Variants in MSI2 observed in about 807,000 individuals in gnomAD.
The protein encoded by MSI2 is RNA-binding protein Musashi homolog 2.
Under a neutral mutation model 45.6 loss-of-function variants are expected in MSI2, and 17 were observed. That is an observed-to-expected ratio of 0.37 (90% CI 0.26 to 0.56). The LOEUF is 0.56. Among genes scored for constraint, MSI2 ranks in the 20% least tolerant of loss-of-function variants. MSI2 has a pLI of 0.77. For synonymous variants in MSI2, 156 were observed against 158.2 expected (o/e 0.99, Z 0.11); for missense variants, 293 against 444.2 (o/e 0.66, Z 3.06).
chr17:57,640,396 T>G (rs1910159485), intron 10 of MSI2, among the ~76,000 whole-genome samples: 1 of 152,238 alleles, frequency 6.6e-6, no homozygotes, highest in Non-Finnish European at 1.5e-5. Flanking sequence ...AAATGCCATG[T>G]AAATTAATAG....
chr17:57,586,446 C>A (rs1462900227), intron 7 of MSI2, among the ~76,000 whole-genome samples: 1 of 151,884 alleles, frequency 6.6e-6, no homozygotes, highest in African/African-American at 2.4e-5. Context: ...TTATAAAATG[C>A]AGCTCTGTAA....
At chr17:57,514,661 T>G (rs112127775) in intron 6 of MSI2, among the ~76,000 whole-genome samples, 9,476 of 144,732 alleles carry the variant, frequency 0.065, 370 homozygotes, top group Non-Finnish European at 0.092. Context: ...TTTTTTTTTT[T>G]TTTTTTTTTT....
chr17:57,303,896 G>A (rs2143556250), intron 5 of MSI2, among the ~76,000 whole-genome samples: 1 of 152,340 alleles, frequency 6.6e-6, no homozygotes, highest in African/African-American at 2.4e-5. Flanking sequence ...TCTTCCTGGG[G>A]TCTTTCAGGA....
At chr17:57,421,237 C>G (rs936011875) in intron 6 of MSI2, among the ~76,000 whole-genome samples, 1 of 152,142 alleles carries the variant, frequency 6.6e-6, no homozygotes, top group Non-Finnish European at 1.5e-5. Flanking sequence ...TTAATGTCCA[C>G]GCTTAATGGC....
At position 57,484,403 on chromosome 17, in the gene MSI2, CA is replaced by C. The variant is rs1383841754; in HGVS notation, c.406-45270del. On this transcript the variant is annotated intron_variant, in intron 6 of 13. Transcript: ENST00000284073. ...CACCTGGAATGTTCTGTAGATTCCT[CA>C]AATATTTCTTCCCCCTCGGAACTCA... Among the ~76,000 whole-genome samples, 9 of 152,320 alleles carry C rather than the reference CA, an allele frequency of 5.9e-5. No individual in the cohort carries two copies. In the East Asian group the frequency reaches 1.4e-3, roughly 23 times the overall value.
intron 7 of MSI2, among the ~76,000 whole-genome samples, chr17:57,577,765 T>G (rs186709884): frequency 4.5e-4 from 69 of 152,322 alleles, no homozygotes; most frequent in Middle Eastern, 3.4e-3. Flanking sequence ...CAGCAATTAC[T>G]TGGAGTAAGA....
chr17:57,634,539 T>C (rs1428508733), intron 10 of MSI2, among the ~76,000 whole-genome samples: 2 of 151,886 alleles, frequency 1.3e-5, no homozygotes, highest in Non-Finnish European at 2.9e-5. Context: ...CAGAGTGCCC[T>C]CTAGAGAAGG....
intron 5 of MSI2, chr17:57,294,535 A>G (rs960970521): frequency 5.0e-4 from 76 of 152,262 alleles, no homozygotes; most frequent in African/African-American, 1.8e-3. Flanking sequence ...AAGCTGGGGA[A>G]GGTGAAGAAG....
intron 6 of MSI2, among the ~76,000 whole-genome samples, chr17:57,414,365 G>GAAGGAGTTTCA (rs1312028519): frequency 2.0e-5 from 3 of 151,872 alleles, no homozygotes; most frequent in African/African-American, 7.3e-5. Flanking sequence ...AGTCATTGGA[G>GAAGGAGTTTCA]AAGGAGTTTC....
At chr17:57,301,110 T>C (rs1406536217) in intron 5 of MSI2, among the ~76,000 whole-genome samples, 1 of 152,178 alleles carries the variant, frequency 6.6e-6, no homozygotes, top group Non-Finnish European at 1.5e-5. Flanking sequence ...CCCAGAAGCC[T>C]TATCAGTGTT....
chr17:57,306,726 T>C (rs940214362), intron 5 of MSI2, among the ~76,000 whole-genome samples: 11 of 152,234 alleles, frequency 7.2e-5, no homozygotes, highest in Non-Finnish European at 4.4e-5. Context: ...TATTTATCTA[T>C]CTATTTGTTT....
chr17:57,302,841 G>A lies in MSI2; in HGVS notation c.312+40649G>A, dbSNP rs1002334739. 3.3e-5 allele frequency among the ~76,000 whole-genome samples: 5 copies of A among 152,198 alleles called. No individual in the cohort carries two copies. The East Asian group carries it at 9.6e-4, about 29-fold the overall frequency. ...AATGGGACTTCAGGCAGAGTCCCTG[G>A]GTGTTTGGTGGCAGCAGATCGTGGG... On this transcript the variant is annotated intron_variant, in intron 5 of 13. Coordinates refer to ENST00000284073, the MANE Select transcript of MSI2 (RefSeq NM_138962.4).
chr17:57,256,918 GC>G (rs1257164574), intron 1 of MSI2, 114 bp downstream of exon 1: 16 of 492,024 alleles, frequency 3.3e-5, no homozygotes, highest in East Asian at 4.0e-5. Flanking sequence ...TCTCCCGCGC[GC>G]CCCCCCCGTG....
In MSI2 at chr17:57,652,301, G is replaced by T. The variant is rs1480876842; in HGVS notation, c.790+140G>T. On this transcript the variant is annotated intron_variant, in intron 11 of 13. Coordinates refer to ENST00000284073, the MANE Select transcript of MSI2 (RefSeq NM_138962.4). This position sits in a 1 kb window ranked among gnomAD's most constrained non-coding sequence, Gnocchi z 4.1. ...CCCCGGGGAGGGGGTGGACGGGGAG[G>T]GGGTGGACCGGGAGGCGCGGGCAAG... The T allele has an allele frequency of 9.1e-6, 8 of 878,840 alleles. No individual in the cohort carries two copies. The highest frequency in any genetic ancestry group is 2.7e-5 in the East Asian group (1 of 37,516). 54.4% of individuals were successfully genotyped at this position (878,840 alleles called of 1,614,324 possible). A position where few individuals can be genotyped will look rare whatever the true frequency, so the allele number is the denominator to read the frequency against.
intron 6 of MSI2, among the ~76,000 whole-genome samples, chr17:57,504,217 G>A (rs79854274): frequency 1.7e-3 from 264 of 152,240 alleles, no homozygotes; most frequent in Middle Eastern, 6.8e-3. Context: ...CCCTTCCCGT[G>A]GTCTCCCATC....
intron 5 of MSI2, among the ~76,000 whole-genome samples, chr17:57,356,037 C>G (rs751670326): frequency 6.6e-6 from 1 of 151,902 alleles, no homozygotes; most frequent in African/African-American, 2.4e-5. Context: ...CCACGCCCAG[C>G]TAATTTTTTC....
chr17:57,339,497 G>A (rs150854344), intron 5 of MSI2, among the ~76,000 whole-genome samples: 2 of 152,142 alleles, frequency 1.3e-5, no homozygotes, highest in Admixed American at 6.5e-5. Context: ...TCCCTCCCTC[G>A]GGCCCCCTCC....
At chr17:57,371,510 A>AT (rs1448937930) in intron 5 of MSI2, among the ~76,000 whole-genome samples, 7 of 144,574 alleles carry the variant, frequency 4.8e-5, no homozygotes, top group Non-Finnish European at 1.1e-4. Context: ...TTTCATGGCA[A>AT]AAAAAAAAAA....
intron 6 of MSI2, among the ~76,000 whole-genome samples, chr17:57,487,207 A>G (rs558369545): frequency 6.8e-4 from 104 of 152,330 alleles, no homozygotes; most frequent in Non-Finnish European, 6.9e-4. Context: ...CCAGCTCATG[A>G]GACCGCAAAG....
Sources: allele counts gnomAD v4.1 joint callset (sites outside exome capture counted in the v4.1 genomes callset), GRCh38; gene constraint gnomAD v4.1.1; non-coding constraint Gnocchi (gnomAD v3.1); transcripts MANE v1.5; gene names NCBI Gene and HGNC (gene_info 2026-07-23, HGNC 2026-07-21).